The following LINGO1 variants were observed in gnomAD, a reference collection of about 807,000 sequenced individuals.
LINGO1 encodes the protein leucine-rich repeat and immunoglobulin-like domain-containing nogo receptor-interacting protein 1.
LINGO1 carries 11 observed loss-of-function variants against 37.3 expected under a neutral mutation model. The observed-to-expected ratio is 0.29, with a 90% CI of 0.19 to 0.49. The LOEUF (loss-of-function observed/expected upper bound fraction) is 0.49, where lower values mean the gene tolerates loss of function less well. Among genes scored for constraint, LINGO1 ranks in the 20% least tolerant of loss-of-function variants. The pLI is 0.99. For synonymous variants in LINGO1, 387 were observed against 403.0 expected, an observed-to-expected ratio of 0.96 and a Z score of 0.48; for missense variants, 585 against 878.2, an observed-to-expected ratio of 0.67 and a Z score of 4.22.
At chr15:77,749,359 C>T (rs970277493) in intron 1 of LINGO1, among the ~76,000 whole-genome samples, 8 of 152,184 alleles carry the variant, frequency 5.3e-5, no homozygotes, top group Non-Finnish European at 1.0e-4. Flanking sequence ...CCCAGGTGGG[C>T]CCAGTGAGTA....
At chr15:77,712,422 C>T (rs2075929666) in intron 2 of LINGO1, among the ~76,000 whole-genome samples, 1 of 152,144 alleles carries the variant, frequency 6.6e-6, no homozygotes, top group African/African-American at 2.4e-5. Flanking sequence ...TCCCCCTAAG[C>T]AGTACTTTCA....
chr15:77,697,635 G>C (rs2075713680), upstream of LINGO1, among the ~76,000 whole-genome samples: 1 of 152,110 alleles, frequency 6.6e-6, no homozygotes, highest in Non-Finnish European at 1.5e-5. Flanking sequence ...GTGAATTAAG[G>C]GTACAAACAC....
At chr15:77,781,866 G>T (rs2076721322) in intron 1 of LINGO1, among the ~76,000 whole-genome samples, 1 of 152,238 alleles carries the variant, frequency 6.6e-6, no homozygotes, top group Admixed American at 6.5e-5. Context: ...CCCGGCCAGA[G>T]CTGCTGCCTC....
At chr15:77,706,298 G>C (rs574594362) in intron 2 of LINGO1, among the ~76,000 whole-genome samples, 24 of 152,300 alleles carry the variant, frequency 1.6e-4, no homozygotes, top group Non-Finnish European at 2.8e-4. Flanking sequence ...ACCACGGCCT[G>C]CCAGACCCCC....
At chr15:77,685,520 C>G (rs1374768218) in intron 2 of LINGO1, among the ~76,000 whole-genome samples, 1 of 152,098 alleles carries the variant, frequency 6.6e-6, no homozygotes, top group Non-Finnish European at 1.5e-5. Context: ...CTGAAGGCCT[C>G]CCATCCCAGA....
chr15:77,659,276 A>G (rs2074935437), intron 3 of LINGO1, among the ~76,000 whole-genome samples: 2 of 151,944 alleles, frequency 1.3e-5, no homozygotes, highest in African/African-American at 4.8e-5. Context: ...CACTGTCCCC[A>G]CTCCCAAACC....
intron 1 of LINGO1, 23 bp from the exon 2 acceptor site, chr15:77,615,923 G>A (rs1362761496): frequency 6.9e-7 from 1 of 1,446,646 alleles, no homozygotes; most frequent in South Asian, 1.5e-5. Flanking sequence ...GCAAGCACAG[G>A]ACAGAGGTGG....
chr15:77,676,210 A>G (rs1210786159), intron 3 of LINGO1, among the ~76,000 whole-genome samples: 7 of 152,260 alleles, frequency 4.6e-5, no homozygotes, highest in Admixed American at 4.6e-4. Flanking sequence ...CCCTGGCTCC[A>G]GGACACCCAC....
intron 3 of LINGO1, among the ~76,000 whole-genome samples, chr15:77,644,247 T>C (rs2074573778): frequency 6.6e-6 from 1 of 152,202 alleles, no homozygotes. Flanking sequence ...GCAGAACTTT[T>C]CTGCAGCTCC....
intron 2 of LINGO1, among the ~76,000 whole-genome samples, chr15:77,708,333 C>T (rs934255222): frequency 1.4e-4 from 22 of 152,034 alleles, no homozygotes; most frequent in African/African-American, 4.3e-4. Flanking sequence ...AGTGGGGAAT[C>T]GGGAGGCTGG....
At chr15:77,819,333 C>T (rs2077077679) in intron 1 of LINGO1, 1 of 151,252 alleles carries the variant, frequency 6.6e-6, no homozygotes. Context: ...GCTCGGCTGC[C>T]TCCGGTCCCC....
intron 2 of LINGO1, among the ~76,000 whole-genome samples, chr15:77,680,778 C>A (rs1433709823): frequency 6.6e-6 from 1 of 152,196 alleles, no homozygotes; most frequent in Non-Finnish European, 1.5e-5. Context: ...GGACCCCCAA[C>A]TCATCTGTCC....
chr15:77,709,862 G>A (rs1406725454), intron 2 of LINGO1, among the ~76,000 whole-genome samples: 4 of 152,202 alleles, frequency 2.6e-5, no homozygotes, highest in Non-Finnish European at 4.4e-5. Flanking sequence ...GGGAAGGTGG[G>A]AGCCAACATA....
At chr15:77,724,948 C>A (rs1203362133) in intron 2 of LINGO1, among the ~76,000 whole-genome samples, 2 of 152,244 alleles carry the variant, frequency 1.3e-5, no homozygotes, top group African/African-American at 4.8e-5. Flanking sequence ...CCGGCCACCG[C>A]CCCACCCCAG....
chr15:77,788,331 C>T (rs72730727), upstream of LINGO1: 39,053 of 152,230 alleles, frequency 0.26, 5,437 homozygotes, highest in Admixed American at 0.38. Flanking sequence ...GTGCCAGACA[C>T]GGCTCTAAGC....
chr15:77,641,575 C>T (rs2074506870), intron 3 of LINGO1, among the ~76,000 whole-genome samples: 2 of 152,288 alleles, frequency 1.3e-5, no homozygotes, highest in Admixed American at 6.5e-5. Context: ...AACGAAGGGG[C>T]GGCCGGCCTC....
chr15:77,705,206 C>CACACACA (rs57434698), intron 2 of LINGO1, among the ~76,000 whole-genome samples: 7 of 148,970 alleles, frequency 4.7e-5, no homozygotes, highest in South Asian at 2.1e-4. Context: ...CACACACACA[C>CACACACA]CAGTCCACTT....
At chr15:77,817,258 T>C (rs2077056285) in intron 1 of LINGO1, among the ~76,000 whole-genome samples, 1 of 152,128 alleles carries the variant, frequency 6.6e-6, no homozygotes, top group Admixed American at 6.5e-5. Context: ...TGACCTCCTG[T>C]TCTTCAGGTG....
rs187714183 is a variant in LINGO1, at chr15:77,628,343, G to A, written c.6+3967C>T. On this transcript the variant is annotated intron_variant, in intron 1 of 1. Transcript: ENST00000355300. ...TAGGAGAATGTTAATTACACTTTTA[G>A]GATCACATGACAGAACATTATACAT... is the stretch of plus-strand genomic sequence containing the variant. 5.9e-3 allele frequency among the ~76,000 whole-genome samples: 893 copies of A among 152,196 alleles called. 9 individuals are homozygous for A. Among genetic ancestry groups the A allele is most frequent in the African/African-American group, 0.02 (819 of 41,510 alleles).
Sources: gnomAD v4.1 joint callset for allele counts (sites outside exome capture counted in the v4.1 genomes callset) on GRCh38, gnomAD v4.1.1 for gene constraint, MANE v1.5 for transcripts, NCBI Gene and HGNC (gene_info 2026-07-23, HGNC 2026-07-21) for gene names.